Variants in MARCHF1 observed in about 807,000 individuals in gnomAD.
The protein encoded by MARCHF1 is E3 ubiquitin-protein ligase MARCHF1.
Under a neutral mutation model 54.2 loss-of-function variants are expected in MARCHF1, and 40 were observed. The ratio of observed to expected loss-of-function variants is 0.74; its 90% CI spans 0.57 to 0.96. The LOEUF (loss-of-function observed/expected upper bound fraction) is 0.96. Ranked by LOEUF, MARCHF1 falls within the 40% of genes least tolerant of loss-of-function variation. The pLI is 0.00. For missense variants in MARCHF1, 586 were observed against 656.5 expected, an observed-to-expected ratio of 0.89 and a Z score of 1.17; for synonymous variants, 236 against 236.3, an observed-to-expected ratio of 1.00 and a Z score of 0.01.
intron 4 of MARCHF1, among the ~76,000 whole-genome samples, chr4:163,784,155 T>C (rs923053093): frequency 5.3e-5 from 8 of 151,560 alleles, no homozygotes; most frequent in African/African-American, 1.7e-4. Flanking sequence ...TTTTTTTTTT[T>C]ACTCTAGGGT....
chr4:164,220,720 G>C (rs1247384238), intron 1 of MARCHF1, among the ~76,000 whole-genome samples: 1 of 142,326 alleles, frequency 7.0e-6, no homozygotes, highest in Non-Finnish European at 1.5e-5. Context: ...TAATATATAT[G>C]ATATATGTAT....
chr4:163,627,322 A>G (rs1163972239), intron 5 of MARCHF1, among the ~76,000 whole-genome samples: 2 of 152,142 alleles, frequency 1.3e-5, no homozygotes, highest in Non-Finnish European at 2.9e-5. Flanking sequence ...GGTTTCTTCC[A>G]CTGCTCCTAG....
chr4:163,575,126 G>A (rs1161713967), intron 8 of MARCHF1, among the ~76,000 whole-genome samples: 1 of 151,952 alleles, frequency 6.6e-6, no homozygotes, highest in African/African-American at 2.4e-5. Context: ...ACTGCATCCA[G>A]CTTTTGTCCA....
chr4:164,042,954 C>A (rs920789231), intron 2 of MARCHF1, among the ~76,000 whole-genome samples: 9 of 152,174 alleles, frequency 5.9e-5, no homozygotes, highest in African/African-American at 2.2e-4. Context: ...TTTCTCACAT[C>A]CAGGGCATGC....
intron 1 of MARCHF1, among the ~76,000 whole-genome samples, chr4:164,269,752 T>A (rs991301877): frequency 2.0e-4 from 31 of 152,106 alleles, no homozygotes; most frequent in Non-Finnish European, 3.5e-4. Context: ...CTGGTTTTTG[T>A]GTTTAGTTTT....
chr4:164,116,918 A>G (rs1424545037), intron 1 of MARCHF1, among the ~76,000 whole-genome samples: 2 of 152,132 alleles, frequency 1.3e-5, no homozygotes, highest in Non-Finnish European at 2.9e-5. Context: ...CATCTTTTAT[A>G]CAAAGTTAAA....
rs1744343653 is a variant in MARCHF1 at position 163,688,590 on chromosome 4, T to A, written c.162+12223A>T. Among the ~76,000 whole-genome samples the A allele has an allele frequency of 3.3e-5, 5 of 152,274 alleles. 1 individual carries two copies. The South Asian group carries it at 8.3e-4, about 25-fold the overall frequency. ...AACTACTATGTTAGATAATATGAAT[T>A]TAAAGAATGTTTGTATAGTTCATCA... On this transcript the variant is annotated intron_variant, in intron 5 of 9. Coordinates refer to ENST00000514618, the MANE Select transcript of MARCHF1 (RefSeq NM_001394959.1).
At chr4:163,556,852 C>T (rs866091488) in intron 8 of MARCHF1, among the ~76,000 whole-genome samples, 3 of 150,742 alleles carry the variant, frequency 2.0e-5, no homozygotes, top group Admixed American at 6.6e-5. Context: ...ACTGACTCAG[C>T]GTTTCTTAAG....
intron 4 of MARCHF1, among the ~76,000 whole-genome samples, chr4:163,752,451 A>T (rs2110786243): frequency 6.6e-6 from 1 of 152,276 alleles, no homozygotes; most frequent in East Asian, 1.9e-4. Context: ...ACTTGGCTTT[A>T]ATTTTTCATT....
chr4:163,636,202 T>C (rs1463009736), intron 5 of MARCHF1, among the ~76,000 whole-genome samples: 4 of 152,116 alleles, frequency 2.6e-5, no homozygotes, highest in South Asian at 2.1e-4. Flanking sequence ...GGATGCCCTC[T>C]CTCACCACCC....
rs367830947 is a variant in MARCHF1, at chr4:164,358,413, A to G, written c.-323+25457T>C. Reference sequence around the variant, plus strand: ...TTTTCTTTGCACCAGAGAAAGAATTATAAGATAGAAGAAACTATGGCTCAG... The same window carrying G: ...TTTTCTTTGCACCAGAGAAAGAATTGTAAGATAGAAGAAACTATGGCTCAG... On this transcript the variant is annotated intron_variant, in intron 1 of 9. Coordinates refer to ENST00000514618, the MANE Select transcript of MARCHF1 (RefSeq NM_001394959.1). 3.2e-4 allele frequency among the ~76,000 whole-genome samples: 49 copies of G among 152,324 alleles called. No individual in the cohort carries two copies. In the East Asian group the frequency reaches 5.8e-3, roughly 18 times the overall value.
At chr4:163,615,102 G>A (rs1741468598) in intron 5 of MARCHF1, among the ~76,000 whole-genome samples, 1 of 152,004 alleles carries the variant, frequency 6.6e-6, no homozygotes, top group Non-Finnish European at 1.5e-5. Context: ...AAATGCAGAT[G>A]CAGAGACTAC....
intron 3 of MARCHF1, among the ~76,000 whole-genome samples, chr4:163,937,718 T>C (rs545667353): frequency 6.6e-6 from 1 of 152,248 alleles, no homozygotes; most frequent in South Asian, 2.1e-4. Context: ...GTTGGTTCAA[T>C]GGCAAGAGAA....
At chr4:163,867,613 A>G (rs559228926) in intron 3 of MARCHF1, among the ~76,000 whole-genome samples, 6 of 151,894 alleles carry the variant, frequency 4.0e-5, no homozygotes, top group South Asian at 4.1e-4. Context: ...GATACTGACT[A>G]CCAAGGCTTT....
In MARCHF1 at chr4:164,085,272, A is replaced by C. The variant is rs147268343; in HGVS notation, c.-248+26316T>G. 6.6e-5 allele frequency among the ~76,000 whole-genome samples: 10 copies of C among 151,948 alleles called. No individual in the cohort carries two copies. In the East Asian group the frequency reaches 1.9e-3, roughly 29 times the overall value. On this transcript the variant is annotated intron_variant, in intron 2 of 9. Coordinates refer to ENST00000514618, the MANE Select transcript of MARCHF1 (RefSeq NM_001394959.1). The stretch of plus-strand genomic sequence containing the variant: ...AATCTCAGATATACTTTAATTTATA[A>C]TTTATTTAAAATCCCTAGATAAACC...
chr4:163,958,191 G>T (rs1560836232), intron 3 of MARCHF1, among the ~76,000 whole-genome samples: 1 of 151,752 alleles, frequency 6.6e-6, no homozygotes, highest in Non-Finnish European at 1.5e-5. Context: ...GCTATAATTT[G>T]ACCTCTTTAA....
intron 3 of MARCHF1, among the ~76,000 whole-genome samples, chr4:163,938,042 T>A (rs1288427485): frequency 6.6e-6 from 1 of 152,160 alleles, no homozygotes; most frequent in Non-Finnish European, 1.5e-5. Flanking sequence ...GGAGATGATC[T>A]CTAAATTGCA....
intron 4 of MARCHF1, among the ~76,000 whole-genome samples, chr4:163,754,297 C>T (rs1046981433): frequency 3.3e-5 from 5 of 152,214 alleles, no homozygotes; most frequent in African/African-American, 1.2e-4. Flanking sequence ...ATCAGACCTT[C>T]AGCTAGAAGG....
chr4:163,689,110 C>A (rs1744361306), intron 5 of MARCHF1, among the ~76,000 whole-genome samples: 1 of 152,160 alleles, frequency 6.6e-6, no homozygotes, highest in African/African-American at 2.4e-5. Flanking sequence ...CCTGGAAAAA[C>A]AACTTCCAAC....
Sources: gnomAD v4.1 joint callset for allele counts (sites outside exome capture counted in the v4.1 genomes callset) on GRCh38, gnomAD v4.1.1 for gene constraint, MANE v1.5 for transcripts, NCBI Gene and HGNC (gene_info 2026-07-23, HGNC 2026-07-21) for gene names.